The following ZNF385D variants were observed in gnomAD, a reference collection of about 807,000 sequenced individuals.
The protein encoded by ZNF385D is zinc finger protein 385D, also known as zinc finger protein 659.
In ZNF385D, 15 loss-of-function variants were observed where a neutral mutation model predicts 35.8. That is an observed-to-expected ratio of 0.42 (90% CI 0.28 to 0.64). The LOEUF is 0.64. Among genes scored for constraint, ZNF385D ranks in the 30% least tolerant of loss-of-function variants. ZNF385D has a pLI of 0.23. For synonymous variants in ZNF385D, 212 were observed against 186.8 expected (o/e 1.13, Z -1.10); for missense variants, 474 against 494.6 (o/e 0.96, Z 0.39).
intron 2 of ZNF385D, among the ~76,000 whole-genome samples, chr3:22,184,461 A>T (rs1320587635): frequency 1.3e-5 from 2 of 152,154 alleles, no homozygotes; most frequent in Admixed American, 1.3e-4. Flanking sequence ...AATGTATAAA[A>T]CTTTTGCATT....
intron 2 of ZNF385D, among the ~76,000 whole-genome samples, chr3:21,584,837 G>A (rs2063765804): frequency 6.6e-6 from 1 of 152,102 alleles, no homozygotes; most frequent in South Asian, 2.1e-4. Context: ...TCCAGGATCT[G>A]ACCTCACACT....
At position 21,780,792 on chromosome 3, in the gene ZNF385D, A is replaced by G. The variant is rs191385375; in HGVS notation, c.326-115764T>C. ...CTGAGGAATACTTCTCCATCAGTTG[A>G]TCAATAAGAATGTTCAGATACCAGC... On this transcript the variant is annotated intron_variant, in intron 3 of 5. Coordinates refer to the ZNF385D transcript ENST00000494108. 2.8e-3 allele frequency among the ~76,000 whole-genome samples: 429 copies of G among 152,190 alleles called. 2 individuals carry two copies. Among genetic ancestry groups the G allele is most frequent in the African/African-American group, 9.7e-3 (404 of 41,542 alleles).
At chr3:22,185,223 CG>C in intron 2 of ZNF385D, among the ~76,000 whole-genome samples, 1 of 152,106 alleles carries the variant, frequency 6.6e-6, no homozygotes, top group East Asian at 1.9e-4. Flanking sequence ...TCAATAATAA[CG>C]GGACAGAAAC....
intron 3 of ZNF385D, among the ~76,000 whole-genome samples, chr3:21,519,362 C>T (rs1707775883): frequency 6.6e-6 from 1 of 152,246 alleles, no homozygotes; most frequent in African/African-American, 2.4e-5. Context: ...CTTCTCAACT[C>T]ATCTATAAAC....
intron 7 of ZNF385D, 115 bp from the exon 8 acceptor site, chr3:21,421,562 C>T: frequency 1.5e-6 from 1 of 678,810 alleles, no homozygotes; most frequent in South Asian, 2.0e-5. Flanking sequence ...AAGAAAAAAG[C>T]TTCACACTTG....
intron 4 of ZNF385D, among the ~76,000 whole-genome samples, chr3:21,496,426 A>G (rs952024980): frequency 8.4e-5 from 12 of 143,090 alleles, no homozygotes; most frequent in African/African-American, 2.9e-4. Flanking sequence ...TATATATATC[A>G]TATATACATA....
At position 21,424,317 on chromosome 3, in the gene ZNF385D, A is replaced by ATATATATATTTATATATATATATATATAT. The variant is rs1221923155; in HGVS notation, c.853-254_853-253insATATATATATATATATATAAATATATATA. On this transcript the variant is annotated intron_variant, in intron 6 of 7. Transcript: ENST00000281523. ...TATATATATTTATATATATATATAT[A>ATATATATATTTATATATATATATATATAT]TTTTTTTTTTTTTTTGAGATGGAGT... 1.1e-3 allele frequency among the ~76,000 whole-genome samples: 72 copies of ATATATATATTTATATATATATATATATAT among 63,770 alleles called. 3 individuals are homozygous for ATATATATATTTATATATATATATATATAT. The highest frequency in any genetic ancestry group is 2.5e-3 in the East Asian group (4 of 1,596). The allele number at this position is 63,770 out of a possible 152,430, so 41.8% of individuals were successfully genotyped here.
intron 3 of ZNF385D, among the ~76,000 whole-genome samples, chr3:21,896,540 C>A (rs1020819186): frequency 2.0e-5 from 3 of 152,076 alleles, no homozygotes; most frequent in African/African-American, 7.2e-5. Context: ...TTTTTTCCCC[C>A]TGGTATATTT....
At chr3:22,028,653 GT>G (rs776074365) in intron 3 of ZNF385D, among the ~76,000 whole-genome samples, 23 of 152,174 alleles carry the variant, frequency 1.5e-4, no homozygotes, top group Non-Finnish European at 2.6e-4. Flanking sequence ...ACTACCATCT[GT>G]GGACTTATGG....
chr3:21,851,389 A>G (rs951824952), intron 3 of ZNF385D, among the ~76,000 whole-genome samples: 1 of 152,060 alleles, frequency 6.6e-6, no homozygotes, highest in South Asian at 2.1e-4. Flanking sequence ...TACACTCAAT[A>G]TATGTCCAGC....
intron 4 of ZNF385D, among the ~76,000 whole-genome samples, chr3:21,442,922 G>A (rs1243721161): frequency 1.9e-5 from 2 of 107,528 alleles, no homozygotes; most frequent in African/African-American, 3.6e-5. Flanking sequence ...TGTGTTGAGA[G>A]GTTGGAAGAT....
intron 2 of ZNF385D, among the ~76,000 whole-genome samples, chr3:22,338,524 T>C (rs1559528378): frequency 6.6e-6 from 1 of 152,100 alleles, no homozygotes; most frequent in Non-Finnish European, 1.5e-5. Context: ...ATACAGTGGA[T>C]AGAAATTGAT....
chr3:21,567,649 A>C lies in ZNF385D; in HGVS notation c.166-2965T>G, dbSNP rs185674968. 1.6e-3 allele frequency among the ~76,000 whole-genome samples: 240 copies of C among 152,288 alleles called. 4 individuals are homozygous for C. Among genetic ancestry groups the C allele is most frequent in the Admixed American group, 0.014 (219 of 15,270 alleles). On this transcript the variant is annotated intron_variant, in intron 2 of 7. Coordinates refer to ENST00000281523, the MANE Select transcript of ZNF385D (RefSeq NM_024697.3). ...ATGTTCTCTTGTGTACATTCTGTGC[A>C]CAAACGGGATGTGTTTCTATCGGGA...
chr3:22,165,745 C>A (rs1706271910), intron 3 of ZNF385D, among the ~76,000 whole-genome samples: 1 of 152,144 alleles, frequency 6.6e-6, no homozygotes, highest in Non-Finnish European at 1.5e-5. Flanking sequence ...GACCCCAGAA[C>A]TCAGCTTTAT....
intron 3 of ZNF385D, among the ~76,000 whole-genome samples, chr3:22,050,575 T>A (rs919151851): frequency 6.6e-6 from 1 of 152,212 alleles, no homozygotes; most frequent in African/African-American, 2.4e-5. Context: ...TTTGGTAGAT[T>A]GTATGTATTG....
chr3:21,867,636 A>G (rs1621046), intron 3 of ZNF385D, among the ~76,000 whole-genome samples: 68,927 of 151,912 alleles, frequency 0.45, 15,994 homozygotes, highest in African/African-American at 0.53. Flanking sequence ...CCCTGGGAAT[A>G]CATACATTTT....
chr3:21,933,378 C>T (rs779293428), intron 3 of ZNF385D, among the ~76,000 whole-genome samples: 7 of 152,084 alleles, frequency 4.6e-5, no homozygotes, highest in Non-Finnish European at 1.0e-4. Context: ...GTCTGTGGTA[C>T]ATTTGAAATC....
At chr3:21,574,578 G>A (rs1344335533) in intron 2 of ZNF385D, among the ~76,000 whole-genome samples, 1 of 152,062 alleles carries the variant, frequency 6.6e-6, no homozygotes, top group Non-Finnish European at 1.5e-5. Context: ...TGGCATGATT[G>A]TGTGCTTCGA....
chr3:21,659,683 G>T (rs564395372), intron 2 of ZNF385D, among the ~76,000 whole-genome samples: 1 of 152,226 alleles, frequency 6.6e-6, no homozygotes, highest in East Asian at 1.9e-4. Context: ...CGGAAGGTAA[G>T]TTCCATAATT....
Sources: allele counts gnomAD v4.1 joint callset (sites outside exome capture counted in the v4.1 genomes callset), GRCh38; gene constraint gnomAD v4.1.1; transcripts MANE v1.5; gene names NCBI Gene and HGNC (gene_info 2026-07-23, HGNC 2026-07-21).